AP3S1: variants seen among roughly 807,000 people sequenced by gnomAD.
AP3S1 encodes adaptor related protein complex 3 subunit sigma 1.
AP3S1 carries 12 observed loss-of-function variants against 21.3 expected under a neutral mutation model. The observed-to-expected ratio is 0.56, with a 90% CI of 0.36 to 0.91. The LOEUF (loss-of-function observed/expected upper bound fraction) is 0.91, where lower values mean the gene tolerates loss of function less well. Among genes scored for constraint, AP3S1 ranks in the 40% least tolerant of loss-of-function variants. The pLI, the probability that AP3S1 is intolerant of heterozygous loss-of-function variation, is 0.01. For missense variants in AP3S1, 116 were observed against 225.0 expected, an observed-to-expected ratio of 0.52 and a Z score of 3.10; for synonymous variants, 48 against 78.4, an observed-to-expected ratio of 0.61 and a Z score of 2.05.
intron 1 of AP3S1, among the ~76,000 whole-genome samples, chr5:115,865,000 A>G (rs1371476933): frequency 1.3e-5 from 2 of 152,144 alleles, no homozygotes; most frequent in Non-Finnish European, 2.9e-5. Context: ...TTAGTACTGT[A>G]TAGAAACATT....
chr5:115,892,129 G>A (rs1750359578), intron 3 of AP3S1, among the ~76,000 whole-genome samples: 1 of 152,226 alleles, frequency 6.6e-6, no homozygotes, highest in African/African-American at 2.4e-5. Context: ...TCTCATTCCA[G>A]TTAAAATGGC....
intron 1 of AP3S1, among the ~76,000 whole-genome samples, chr5:115,846,593 A>G (rs1762084839): frequency 1.3e-5 from 2 of 151,732 alleles, no homozygotes; most frequent in South Asian, 4.2e-4. Context: ...ATAAAAATAC[A>G]AAGTGTTGAA....
intron 2 of AP3S1, among the ~76,000 whole-genome samples, chr5:115,868,647 C>G (rs1747911769): frequency 6.6e-6 from 1 of 151,882 alleles, no homozygotes; most frequent in African/African-American, 2.4e-5. Flanking sequence ...TTTGGGAGGC[C>G]TAGGCGTGCA....
intron 4 of AP3S1, among the ~76,000 whole-genome samples, chr5:115,899,300 T>G (rs1053350906): frequency 2.0e-5 from 3 of 152,140 alleles, no homozygotes; most frequent in African/African-American, 4.8e-5. Context: ...ATTAATAACA[T>G]CTTGGAAGCC....
chr5:115,891,493 A>AC (rs755153853), intron 3 of AP3S1, among the ~76,000 whole-genome samples: 3 of 151,836 alleles, frequency 2.0e-5, no homozygotes, highest in Non-Finnish European at 4.4e-5. Flanking sequence ...GATTCTTGTG[A>AC]CCCCCCTCCT....
chr5:115,853,480 G>A (rs1425550434), intron 1 of AP3S1, among the ~76,000 whole-genome samples: 1 of 152,098 alleles, frequency 6.6e-6, no homozygotes, highest in Non-Finnish European at 1.5e-5. Flanking sequence ...ATATCATCTA[G>A]TTTATCTCTT....
intron 1 of AP3S1, among the ~76,000 whole-genome samples, chr5:115,855,935 A>G (rs1015532648): frequency 6.6e-6 from 1 of 152,210 alleles, no homozygotes; most frequent in African/African-American, 2.4e-5. Context: ...TATATGCATA[A>G]GGACAGGAGG....
At chr5:115,859,789 G>T (rs1004314353) in intron 1 of AP3S1, among the ~76,000 whole-genome samples, 1 of 152,216 alleles carries the variant, frequency 6.6e-6, no homozygotes, top group Non-Finnish European at 1.5e-5. Context: ...ACAGAGTTAT[G>T]TTCCAATCTC....
intron 3 of AP3S1, among the ~76,000 whole-genome samples, chr5:115,886,706 C>T (rs907214598): frequency 3.3e-5 from 5 of 152,206 alleles, no homozygotes; most frequent in African/African-American, 1.2e-4. Flanking sequence ...CCCAACCCCA[C>T]TGTTGTTCAA....
chr5:115,859,255 CA>C (rs1427210721), intron 1 of AP3S1, among the ~76,000 whole-genome samples: 1 of 152,172 alleles, frequency 6.6e-6, no homozygotes, highest in Non-Finnish European at 1.5e-5. Context: ...TAACGTAATA[CA>C]AGTTTGTTTC....
At chr5:115,908,941 G>A (rs1482467234) in intron 5 of AP3S1, 2 of 963,142 alleles carry the variant, frequency 2.1e-6, no homozygotes, top group Non-Finnish European at 2.5e-6. Context: ...ATTTAATATT[G>A]TGTTTATTAA....
intron 1 of AP3S1, among the ~76,000 whole-genome samples, chr5:115,846,209 A>G (rs533961630): frequency 5.9e-5 from 9 of 152,326 alleles, no homozygotes; most frequent in Non-Finnish European, 7.3e-5. Flanking sequence ...AGGTCTCACT[A>G]TGTTGCTCAG....
At chr5:115,904,069 C>A (rs1291091557) in intron 5 of AP3S1, 1 of 151,562 alleles carries the variant, frequency 6.6e-6, no homozygotes, top group Non-Finnish European at 1.5e-5. Context: ...CAGAGTAAAA[C>A]TTCATCTCAA....
At chr5:115,885,503 G>C (rs1430512835) in intron 3 of AP3S1, among the ~76,000 whole-genome samples, 6 of 152,202 alleles carry the variant, frequency 3.9e-5, no homozygotes, top group African/African-American at 1.4e-4. Context: ...ATGGGAGAAA[G>C]ATGAAAGCCA....
intron 3 of AP3S1, among the ~76,000 whole-genome samples, chr5:115,893,362 A>C (rs1406139388): frequency 6.6e-6 from 1 of 152,196 alleles, no homozygotes. Flanking sequence ...AAGAAAAGGA[A>C]ATTTTTAGGA....
chr5:115,842,888 A>G (rs1454496960), intron 1 of AP3S1, among the ~76,000 whole-genome samples: 1 of 152,202 alleles, frequency 6.6e-6, no homozygotes, highest in African/African-American at 2.4e-5. Flanking sequence ...AAAAGTTATG[A>G]TTTCAGCTTC....
intron 3 of AP3S1, among the ~76,000 whole-genome samples, chr5:115,886,780 A>C (rs1030287409): frequency 6.6e-6 from 1 of 152,180 alleles, no homozygotes; most frequent in Non-Finnish European, 1.5e-5. Context: ...ATCACAGAGA[A>C]GGAATCATTA....
At chr5:115,853,130 A>T in intron 1 of AP3S1, 3 of 359,882 alleles carry the variant, frequency 8.3e-6, no homozygotes, top group South Asian at 4.4e-5. Context: ...ATCCTAACCA[A>T]CTCTTGTTAT....
chr5:115,869,316 G>C (rs1181640384), intron 2 of AP3S1, among the ~76,000 whole-genome samples: 1 of 152,088 alleles, frequency 6.6e-6, no homozygotes, highest in Non-Finnish European at 1.5e-5. Context: ...CAAAACTTAA[G>C]AAGTGTCATT....
Sources: allele counts gnomAD v4.1 joint callset (sites outside exome capture counted in the v4.1 genomes callset), GRCh38; gene constraint gnomAD v4.1.1; transcripts MANE v1.5; gene names NCBI Gene and HGNC (gene_info 2026-07-23, HGNC 2026-07-21).